KDM3B: variants seen among roughly 807,000 people sequenced by gnomAD.
KDM3B encodes the protein lysine-specific demethylase 3B.
Under a neutral mutation model 170.0 loss-of-function variants are expected in KDM3B, and 10 were observed. That is an observed-to-expected ratio of 0.06 (90% CI 0.04 to 0.10). The LOEUF (loss-of-function observed/expected upper bound fraction) is 0.10, where lower values mean the gene tolerates loss of function less well. Among genes scored for constraint, KDM3B ranks in the 10% least tolerant of loss-of-function variants. KDM3B has a pLI of 1.00. For missense variants in KDM3B, 1,394 were observed against 2,195.2 expected, an observed-to-expected ratio of 0.64 and a Z score of 7.29; for synonymous variants, 831 against 834.8, an observed-to-expected ratio of 1.00 and a Z score of 0.08.
At chr5:138,409,959 T>C (rs568663272) in intron 11 of KDM3B, among the ~76,000 whole-genome samples, 1 of 151,842 alleles carries the variant, frequency 6.6e-6, no homozygotes, top group Non-Finnish European at 1.5e-5. Context: ...TGGTGGCACA[T>C]GCCTGTAATC....
chr5:138,366,696 A>G (rs759812481), intron 1 of KDM3B, among the ~76,000 whole-genome samples: 3 of 152,144 alleles, frequency 2.0e-5, no homozygotes, highest in Admixed American at 6.6e-5. Context: ...TGCTCCTTCA[A>G]GGCTTATAGA....
chr5:138,427,877 A>G (rs185618744), intron 19 of KDM3B, 90 bp from the exon 20 acceptor site: 164 of 1,224,802 alleles, frequency 1.3e-4, no homozygotes, highest in Admixed American at 8.7e-5. Context: ...TCATTTAACA[A>G]CACCCTTGAG....
At chr5:138,367,241 T>C (rs934209408) in intron 1 of KDM3B, among the ~76,000 whole-genome samples, 1 of 152,226 alleles carries the variant, frequency 6.6e-6, no homozygotes, top group Admixed American at 6.5e-5. Flanking sequence ...GTCCCTACTG[T>C]CAAGTTGCTA....
intron 23 of KDM3B, among the ~76,000 whole-genome samples, chr5:138,433,409 G>GTTT (rs370681826): frequency 3.2e-5 from 4 of 126,576 alleles, no homozygotes; most frequent in Non-Finnish European, 3.4e-5. Context: ...CACTGCGGCT[G>GTTT]TTTTTTTTTT....
intron 19 of KDM3B, 59 bp from the exon 20 acceptor site, chr5:138,427,908 C>A: frequency 4.6e-6 from 7 of 1,535,158 alleles, no homozygotes; most frequent in Non-Finnish European, 5.4e-6. Flanking sequence ...GATGTAGTGT[C>A]GACGTGGATT....
At chr5:138,385,961 GGT>G in intron 6 of KDM3B, 59 bp from the exon 7 acceptor site, 1 of 1,530,506 alleles carries the variant, frequency 6.5e-7, no homozygotes, top group Non-Finnish European at 8.8e-7. Context: ...AAGAGCTAAT[GGT>G]GTGTGGTATT....
intron 15 of KDM3B, among the ~76,000 whole-genome samples, chr5:138,421,975 G>T (rs1763284304): frequency 1.3e-5 from 2 of 152,088 alleles, no homozygotes; most frequent in African/African-American, 4.8e-5. Context: ...ACATGGCCTG[G>T]CATGCTCCCT....
At chr5:138,358,166 A>G (rs1486186690) in intron 1 of KDM3B, among the ~76,000 whole-genome samples, 1 of 147,580 alleles carries the variant, frequency 6.8e-6, no homozygotes, top group Non-Finnish European at 1.5e-5. Context: ...TAATTTTAGT[A>G]GAGATGGGGT....
intron 11 of KDM3B, among the ~76,000 whole-genome samples, chr5:138,414,777 G>A (rs1182321942): frequency 2.0e-5 from 3 of 152,084 alleles, no homozygotes; most frequent in African/African-American, 4.8e-5. Context: ...GCAACATGGC[G>A]AAACTCCATC....
intron 20 of KDM3B, among the ~76,000 whole-genome samples, 159 bp from the exon 21 acceptor site, chr5:138,429,667 T>C (rs1763481455): frequency 6.6e-6 from 1 of 152,224 alleles, no homozygotes; most frequent in African/African-American, 2.4e-5. Flanking sequence ...TTGTTCTGTG[T>C]GTAGGGAGCT....
At chr5:138,420,577 C>A in intron 14 of KDM3B, 129 bp from the exon 15 acceptor site, 1 of 1,001,504 alleles carries the variant, frequency 1.0e-6, no homozygotes, top group Non-Finnish European at 1.5e-6. Flanking sequence ...ACAAACCATA[C>A]ACAGTTTGGG....
At chr5:138,420,097 A>G (rs1162786255) in intron 14 of KDM3B, among the ~76,000 whole-genome samples, 2 of 152,200 alleles carry the variant, frequency 1.3e-5, no homozygotes, top group Admixed American at 1.3e-4. Context: ...CATGTTGGTC[A>G]GGCTGGTCTC....
At chr5:138,432,696 A>C (rs13154187) in intron 23 of KDM3B, among the ~76,000 whole-genome samples, 26,001 of 152,086 alleles carry the variant, frequency 0.17, 2,951 homozygotes, top group South Asian at 0.34. Flanking sequence ...AGGAAGCAGA[A>C]TTCTCTAGGC....
At position 138,352,901 on chromosome 5, in the gene KDM3B, G is replaced by A. The variant is rs1233610442; in HGVS notation, c.106G>A (p.Gly36Arg). ...ASAPAAAAAS[G>R]DPGPALRTRA... The stretch of plus-strand genomic sequence containing the variant: ...GGCTCCCGCGGCGGCAGCGGCGAGC[G>A]GAGATCCGGGGCCTGCGCTGCGCAC... The change falls in exon 1 of 24, where the codon GGA becomes AGA. Residue 36 changes from glycine to arginine, a missense_variant. Gly to Arg is a moderately radical substitution (Grantham distance 125). This residue lies in a region of KDM3B where 99 missense variants were observed against 97.5 expected (regional missense o/e 1.02). Coordinates refer to ENST00000314358, the MANE Select transcript of KDM3B (RefSeq NM_016604.4). 2.9e-6 allele frequency: 4 copies of A among 1,374,138 alleles called. No homozygotes were observed. In the African/African-American group the frequency reaches 4.6e-5, roughly 16 times the overall value. The allele number at this position is 1,374,138 out of a possible 1,614,324, so 85.1% of individuals were successfully genotyped here. A position where few individuals can be genotyped will look rare whatever the true frequency, so the allele number is the denominator to read the frequency against.
chr5:138,398,345 A>G lies in KDM3B; in HGVS notation c.2999A>G (p.Gln1000Arg). The change falls in exon 10 of 24, where the codon CAG becomes CGG. Residue 1000 changes from glutamine to arginine, a missense_variant. Gln to Arg is a conservative substitution (Grantham distance 43). Coordinates refer to ENST00000314358, the MANE Select transcript of KDM3B (RefSeq NM_016604.4). ...GCCAATGTTGGGGACCAGTTCTGCC[A>G]GCTCGTAATGTCTGAGAAGGAGGCC... is the stretch of plus-strand genomic sequence containing the variant. ...ILANVGDQFC[Q>R]LVMSEKEAMM... The G allele has an allele frequency of 6.2e-7, 1 of 1,614,214 alleles. No individual in the cohort carries two copies. The highest frequency in any genetic ancestry group is 8.5e-7 in the Non-Finnish European group (1 of 1,180,020).
chr5:138,384,630 T>C (rs1315325392), intron 6 of KDM3B, among the ~76,000 whole-genome samples: 1 of 151,710 alleles, frequency 6.6e-6, no homozygotes, highest in East Asian at 1.9e-4. Context: ...TCCCAGCTAC[T>C]TGGGAGGCTG....
chr5:138,431,672 G>A, intron 23 of KDM3B, 113 bp downstream of exon 23: 2 of 981,160 alleles, frequency 2.0e-6, no homozygotes, highest in Non-Finnish European at 2.8e-6. Context: ...TAATTGTGGA[G>A]GAGAAATGAT....
In KDM3B at chr5:138,376,152, A is replaced by T. The variant is rs531286361; in HGVS notation, c.474+946A>T. 2.6e-5 allele frequency among the ~76,000 whole-genome samples: 4 copies of T among 151,604 alleles called. No individual in the cohort carries two copies. The East Asian group carries it at 7.9e-4, about 30-fold the overall frequency. On this transcript the variant is annotated intron_variant, in intron 3 of 23. Transcript: ENST00000314358. ...GCTATCACATCTGGCTAATCTTTGTAGTCTTAGTAGAGACGGGGTTTTGCC... is the reference window on the plus strand; with the variant it reads ...GCTATCACATCTGGCTAATCTTTGTTGTCTTAGTAGAGACGGGGTTTTGCC...
chr5:138,380,310 TTTATATGATATATATGAG>T (rs1303062356), intron 5 of KDM3B, among the ~76,000 whole-genome samples: 1 of 148,994 alleles, frequency 6.7e-6, no homozygotes, highest in Non-Finnish European at 1.5e-5. Flanking sequence ...ATTATATTTA[TTTATATGATATATATGAG>T]TTATATGATA....
Sources: allele counts gnomAD v4.1 joint callset (sites outside exome capture counted in the v4.1 genomes callset), GRCh38; gene constraint gnomAD v4.1.1; regional missense constraint gnomAD v4.1.1; transcripts MANE v1.5; gene names NCBI Gene and HGNC (gene_info 2026-07-23, HGNC 2026-07-21).